PPP1R12C: variants seen among roughly 807,000 people sequenced by gnomAD.
PPP1R12C encodes protein phosphatase 1 regulatory subunit 12C.
In PPP1R12C, 48 loss-of-function variants were observed where a neutral mutation model predicts 95.6. The observed-to-expected ratio is 0.50, with a 90% CI of 0.40 to 0.64. PPP1R12C has a LOEUF of 0.64. Ranked by LOEUF, PPP1R12C falls within the 30% of genes least tolerant of loss-of-function variation. The probability of loss-of-function intolerance (pLI) is 0.00; values close to 1 mark genes in which losing one functional copy is unlikely to be tolerated. For missense variants in PPP1R12C, 1,057 were observed against 1,083.3 expected, an observed-to-expected ratio of 0.98 and a Z score of 0.34; for synonymous variants, 480 against 460.8, an observed-to-expected ratio of 1.04 and a Z score of -0.53.
intron 4 of PPP1R12C, among the ~76,000 whole-genome samples, chr19:55,100,758 G>A (rs539396531): frequency 4.0e-4 from 61 of 152,128 alleles, no homozygotes; most frequent in Admixed American, 9.8e-4. Flanking sequence ...GATTACAGGC[G>A]CCTGCCACCA....
Position 55,091,468 on chromosome 19 carries a change from C to A in PPP1R12C, c.*4G>T. 1.9e-6 allele frequency: 3 copies of A among 1,613,224 alleles called. No homozygotes were observed. Among genetic ancestry groups the A allele is most frequent in the Non-Finnish European group, 2.5e-6 (3 of 1,179,300 alleles). ...AAATACGGGTGCGGGAAAGTCCCTCCGGGTCACTTGGAGAGTTTGCTGATG... is the reference window on the plus strand; with the variant it reads ...AAATACGGGTGCGGGAAAGTCCCTCAGGGTCACTTGGAGAGTTTGCTGATG... On this transcript the variant is annotated 3_prime_UTR_variant, in exon 22 of 22. Coordinates refer to ENST00000263433, the MANE Select transcript of PPP1R12C (RefSeq NM_017607.4).
At chr19:55,094,821 C>T (rs1189777453) in intron 11 of PPP1R12C, 23 bp from the exon 12 acceptor site, 3 of 1,572,950 alleles carry the variant, frequency 1.9e-6, no homozygotes, top group Non-Finnish European at 8.6e-7. Flanking sequence ...ATTCATTCCA[C>T]AAACATTACC....
intron 4 of PPP1R12C, among the ~76,000 whole-genome samples, chr19:55,100,398 T>C (rs770250538): frequency 1.3e-5 from 2 of 152,258 alleles, no homozygotes; most frequent in Admixed American, 1.3e-4. Flanking sequence ...CTGTGATGCA[T>C]GGGACGGCCC....
Position 55,109,479 on chromosome 19 carries a change from C to T in PPP1R12C, c.571+2988G>A, listed in dbSNP as rs180918358. 3.9e-4 allele frequency among the ~76,000 whole-genome samples: 59 copies of T among 152,338 alleles called. No homozygotes were observed. The highest frequency in any genetic ancestry group is 3.3e-3 in the Admixed American group (51 of 15,306). On this transcript the variant is annotated intron_variant, in intron 3 of 21. Coordinates refer to ENST00000263433, the MANE Select transcript of PPP1R12C (RefSeq NM_017607.4). This position sits in a 1 kb window ranked among gnomAD's most constrained non-coding sequence, Gnocchi z 4.4. ...GTCATGCCCGATTCAGCCCCTGAGT[C>T]GACTGGGCCAGAGGACTTTGCGGTG...
chr19:55,104,401 C>T (rs1332588814), intron 3 of PPP1R12C, among the ~76,000 whole-genome samples: 1 of 150,936 alleles, frequency 6.6e-6, no homozygotes, highest in Admixed American at 6.6e-5. Context: ...TATGAAGATG[C>T]TGGATTAAGA....
chr19:55,113,519 G>A lies in PPP1R12C; in HGVS notation c.322-724C>T, dbSNP rs780768353. 20 of 1,395,712 alleles carry A rather than the reference G, an allele frequency of 1.4e-5. No homozygotes were observed. In the African/African-American group the frequency reaches 1.6e-4, roughly 11 times the overall value. 86.5% of individuals were successfully genotyped at this position (1,395,712 alleles called of 1,614,324 possible). A position where few individuals can be genotyped will look rare whatever the true frequency, so the allele number is the denominator to read the frequency against. ...TCCCTTAGGGGTCCAAAACTTGGGG[G>A]GACAAAAGCCGAAGTCCAGGGGGTC... On this transcript the variant is annotated intron_variant, in intron 1 of 21. Transcript: ENST00000263433.
At chr19:55,110,355 CGGTGGGTGAGAGTGTAGCATCAAGGT>C (rs1568818963) in intron 3 of PPP1R12C, among the ~76,000 whole-genome samples, 1,986 of 146,498 alleles carry the variant, frequency 0.014, 16 homozygotes, top group African/African-American at 0.047. Flanking sequence ...AAGGTTGGTG[CGGTGGGTGAGAGTGTAGCATCAAGGT>C]TGGTGCGGTG....
chr19:55,097,506 C>A (rs1403019955), intron 6 of PPP1R12C, among the ~76,000 whole-genome samples: 7 of 138,204 alleles, frequency 5.1e-5, no homozygotes, highest in African/African-American at 1.5e-4. Context: ...CCGTCTTCAC[C>A]CCTACCCCGC....
rs1192380663 is a variant in PPP1R12C at position 55,092,542 on chromosome 19, G to A, written c.1955C>T (p.Thr652Ile). 1 of 1,600,858 alleles carries A rather than the reference G, an allele frequency of 6.2e-7. No individual in the cohort carries two copies. The highest frequency in any genetic ancestry group is 8.5e-7 in the Non-Finnish European group (1 of 1,174,414). ...GCGGGCCGAGGGGCCGCCCTCCAGG[G>A]TGCTGGGGCAGGGGAGGAGCGCGCG... Reference protein sequence around the residue: ...EPADRSQESSTLEGGPSARRQ... With the variant: ...EPADRSQESSILEGGPSARRQ... Residue 652 changes from threonine to isoleucine, a missense_variant and splice_region_variant, in exon 18 of 22, where the codon ACC becomes ATC. By Grantham distance (89) the Thr-to-Ile change is moderately conservative. This residue lies in a region of PPP1R12C where 347 missense variants were observed against 307.9 expected (regional missense o/e 1.13). Transcript: ENST00000263433.
chr19:55,104,881 C>G (rs1050494458), intron 3 of PPP1R12C, among the ~76,000 whole-genome samples: 1 of 151,554 alleles, frequency 6.6e-6, no homozygotes, highest in Non-Finnish European at 1.5e-5. Context: ...AAGCGGTTCT[C>G]CTGCCTCAGC....
rs1368671287 is a variant in PPP1R12C at position 55,091,574 on chromosome 19, G to A, written c.2263-16C>T. The A allele has an allele frequency of 3.7e-6, 6 of 1,612,652 alleles. No individual in the cohort carries two copies. Among genetic ancestry groups the A allele is most frequent in the Non-Finnish European group, 5.1e-6 (6 of 1,179,688 alleles). ...CAGACAGGGCCTGGGGGACGGCAAG[G>A]GTCAGCTGGGCAGCCCTGGCGGGTT... On this transcript the variant is annotated splice_polypyrimidine_tract_variant and intron_variant, in intron 21 of 21. Transcript: ENST00000263433.
At chr19:55,113,156 A>C in intron 1 of PPP1R12C, 1 of 498,980 alleles carries the variant, frequency 2.0e-6, no homozygotes, top group Non-Finnish European at 3.5e-6. Context: ...TGCTCAGACT[A>C]GGGAAGAGGT....
chr19:55,112,302 G>T (rs982603722), intron 3 of PPP1R12C, 165 bp downstream of exon 3: 3 of 626,638 alleles, frequency 4.8e-6, no homozygotes, highest in African/African-American at 3.7e-5. Flanking sequence ...CCTGGAGGCA[G>T]GCCCCTACAC....
intron 3 of PPP1R12C, 50 bp from the exon 4 acceptor site, chr19:55,103,618 T>C (rs2085002226): frequency 6.8e-7 from 1 of 1,466,256 alleles, no homozygotes; most frequent in Non-Finnish European, 9.2e-7. Flanking sequence ...TGACCTGAAA[T>C]ACCCAGGGTC....
At chr19:55,105,297 G>A (rs2085026030) in intron 3 of PPP1R12C, among the ~76,000 whole-genome samples, 1 of 152,152 alleles carries the variant, frequency 6.6e-6, no homozygotes, top group Non-Finnish European at 1.5e-5. Flanking sequence ...GAGGGGAAGG[G>A]AGGGTGACTG....
intron 11 of PPP1R12C, 95 bp downstream of exon 11, chr19:55,095,196 C>T: frequency 7.3e-7 from 1 of 1,370,150 alleles, no homozygotes; most frequent in East Asian, 2.5e-5. Flanking sequence ...GAACCAGACC[C>T]CAGGGGGTAC....
chr19:55,092,031 G>A, intron 19 of PPP1R12C, 122 bp from the exon 20 acceptor site: 2 of 1,275,598 alleles, frequency 1.6e-6, no homozygotes, highest in Non-Finnish European at 2.2e-6. Flanking sequence ...TCCCCCACGG[G>A]CCAGGCCCCG....
intron 7 of PPP1R12C, 41 bp from the exon 8 acceptor site, chr19:55,096,219 C>T: frequency 1.2e-6 from 2 of 1,613,296 alleles, no homozygotes; most frequent in South Asian, 1.1e-5. Flanking sequence ...AAGCCCGGGG[C>T]CTCCAGCCAC....
intron 3 of PPP1R12C, among the ~76,000 whole-genome samples, chr19:55,108,656 T>C (rs79152999): frequency 0.013 from 1,922 of 152,294 alleles, 34 homozygotes; most frequent in African/African-American, 0.044. Flanking sequence ...ACTTTTCACT[T>C]AGCATAATGT....
Sources: gnomAD v4.1 joint callset for allele counts (sites outside exome capture counted in the v4.1 genomes callset) on GRCh38, gnomAD v4.1.1 for gene constraint, gnomAD v4.1.1 regional missense constraint, Gnocchi (gnomAD v3.1) non-coding constraint, MANE v1.5 for transcripts, NCBI Gene and HGNC (gene_info 2026-07-23, HGNC 2026-07-21) for gene names.